Variants in TENM2 observed in about 807,000 individuals in gnomAD.
TENM2 encodes the protein teneurin transmembrane protein 2.
TENM2 carries 52 observed loss-of-function variants against 245.2 expected under a neutral mutation model. The observed-to-expected ratio is 0.21, with a 90% CI of 0.17 to 0.27. The LOEUF is 0.27. TENM2 is among the 10% of genes least tolerant of loss of function. The pLI is 1.00. For synonymous variants in TENM2, 1,363 were observed against 1,438.9 expected, an observed-to-expected ratio of 0.95 and a Z score of 1.19; for missense variants, 3,046 against 3,666.8, an observed-to-expected ratio of 0.83 and a Z score of 4.37.
the TENM2 span, among the ~76,000 whole-genome samples, chr5:167,038,149 G>A: frequency 6.6e-6 from 1 of 152,216 alleles, no homozygotes; most frequent in Non-Finnish European, 1.5e-5. Context: ...CATGGGATCT[G>A]CAGTTGAGAA....
chr5:167,993,264 C>A, intron 5 of TENM2, 82 bp downstream of exon 7: 3 of 1,114,712 alleles, frequency 2.7e-6, no homozygotes, highest in Non-Finnish European at 4.0e-6. Context: ...TCTAGAGGCC[C>A]TCTGATGTCT....
the TENM2 span, among the ~76,000 whole-genome samples, chr5:167,074,223 G>C: frequency 6.6e-6 from 1 of 152,176 alleles, no homozygotes; most frequent in East Asian, 1.9e-4. Flanking sequence ...AGGTGTAAGA[G>C]GAGATATTAA....
At chr5:167,169,789 T>C in the TENM2 span, among the ~76,000 whole-genome samples, 1 of 152,228 alleles carries the variant, frequency 6.6e-6, no homozygotes, top group South Asian at 2.1e-4. Flanking sequence ...TGCCATGGAA[T>C]AAAAGGAAAA....
the TENM2 span, among the ~76,000 whole-genome samples, chr5:167,162,028 T>A: frequency 6.6e-6 from 1 of 151,662 alleles, no homozygotes; most frequent in Admixed American, 6.6e-5. Context: ...TAGCCGGGTG[T>A]GGTGGCACGT....
At chr5:167,970,593 T>C (rs78041840) in intron 4 of TENM2, among the ~76,000 whole-genome samples, 3,814 of 152,322 alleles carry the variant, frequency 0.025, 99 homozygotes, top group African/African-American at 0.07. Context: ...TTTAACTCCA[T>C]GCTTCAAGCT....
At chr5:167,959,296 G>A (rs1305088014) in intron 4 of TENM2, among the ~76,000 whole-genome samples, 3 of 150,840 alleles carry the variant, frequency 2.0e-5, no homozygotes, top group African/African-American at 4.9e-5. Context: ...CCAGGTTCAC[G>A]CCATTCTCCT....
At chr5:168,069,033 G>C (rs1790752871) in intron 7 of TENM2, among the ~76,000 whole-genome samples, 1 of 150,812 alleles carries the variant, frequency 6.6e-6, no homozygotes, top group Non-Finnish European at 1.5e-5. Flanking sequence ...ATAAAAAAAG[G>C]GGATTTGCAC....
At chr5:167,675,611 A>G (rs1464706579) in intron 2 of TENM2, among the ~76,000 whole-genome samples, 1 of 152,100 alleles carries the variant, frequency 6.6e-6, no homozygotes, top group Admixed American at 6.6e-5. Flanking sequence ...ATGACTTTAT[A>G]TGGGAGGTAG....
chr5:167,819,895 C>T (rs138163193), intron 2 of TENM2, among the ~76,000 whole-genome samples: 1 of 152,300 alleles, frequency 6.6e-6, no homozygotes, highest in African/African-American at 2.4e-5. Context: ...GCTCTCCATC[C>T]AGCTAGGAAG....
the TENM2 span, among the ~76,000 whole-genome samples, chr5:167,201,148 G>A: frequency 1.3e-5 from 2 of 152,112 alleles, no homozygotes; most frequent in African/African-American, 4.8e-5. Flanking sequence ...CCTACCAAAA[G>A]TATTGACTTT....
At chr5:168,029,594 C>T (rs1786930264) in intron 5 of TENM2, among the ~76,000 whole-genome samples, 2 of 152,202 alleles carry the variant, frequency 1.3e-5, no homozygotes, top group Non-Finnish European at 2.9e-5. Context: ...GTGGCAATTG[C>T]TCTGCCAAAC....
chr5:167,679,284 ATTC>A (rs1235879591), intron 2 of TENM2, among the ~76,000 whole-genome samples: 1 of 152,168 alleles, frequency 6.6e-6, no homozygotes, highest in African/African-American at 2.4e-5. Flanking sequence ...TTGCTGTAAG[ATTC>A]TTATTTTTCC....
the TENM2 span, among the ~76,000 whole-genome samples, chr5:166,984,678 A>T: frequency 1.3e-5 from 2 of 152,068 alleles, no homozygotes; most frequent in Admixed American, 1.3e-4. Context: ...TAGGAATAAA[A>T]CTGAACCATG....
chr5:167,331,367 T>C (rs1757453638), intron 1 of TENM2, among the ~76,000 whole-genome samples: 1 of 152,044 alleles, frequency 6.6e-6, no homozygotes, highest in Non-Finnish European at 1.5e-5. Flanking sequence ...AATGGCTAAA[T>C]CTGAAAGGTC....
chr5:167,374,271 G>A (rs1053356375), intron 1 of TENM2, among the ~76,000 whole-genome samples: 4 of 152,122 alleles, frequency 2.6e-5, no homozygotes, highest in Non-Finnish European at 5.9e-5. Flanking sequence ...ACAGTATTCA[G>A]TACATAACAT....
rs200942772 is a variant in TENM2 at position 168,185,915 on chromosome 5, C to CAT, written c.2570-4373_2570-4372dup. On this transcript the variant is annotated intron_variant, in intron 13 of 28. Coordinates refer to ENST00000518659, the Ensembl canonical transcript of TENM2. ...GGACATATACTATATACCAGACTGA[C>CAT]ATATATATATATATATATATATATA... 1.3e-3 allele frequency among the ~76,000 whole-genome samples: 94 copies of CAT among 73,770 alleles called. 1 individual carries two copies. Among genetic ancestry groups the CAT allele is most frequent in the Non-Finnish European group, 2.0e-3 (70 of 35,862 alleles). 48.4% of individuals were successfully genotyped at this position (73,770 alleles called of 152,430 possible).
At chr5:167,341,785 C>G (rs1758114022) in intron 1 of TENM2, among the ~76,000 whole-genome samples, 1 of 152,056 alleles carries the variant, frequency 6.6e-6, no homozygotes, top group African/African-American at 2.4e-5. Flanking sequence ...GAATGGCTCC[C>G]ATGCCTGAGG....
At chr5:167,951,835 T>G (rs1780128684) in intron 3 of TENM2, among the ~76,000 whole-genome samples, 1 of 151,192 alleles carries the variant, frequency 6.6e-6, no homozygotes, top group Non-Finnish European at 1.5e-5. Flanking sequence ...CACACATACA[T>G]ACGCAAATAT....
chr5:167,203,044 G>T, the TENM2 span, among the ~76,000 whole-genome samples: 3 of 152,184 alleles, frequency 2.0e-5, no homozygotes, highest in Non-Finnish European at 4.4e-5. Context: ...TATAAAGGGA[G>T]AAATTGGAAC....
Sources: gnomAD v4.1 joint callset for allele counts (sites outside exome capture counted in the v4.1 genomes callset) on GRCh38, gnomAD v4.1.1 for gene constraint, MANE v1.5 for transcripts, NCBI Gene and HGNC (gene_info 2026-07-23, HGNC 2026-07-21) for gene names.